TGIF1: variants seen among roughly 807,000 people sequenced by gnomAD.
TGIF1 encodes homeobox protein TGIF1.
A neutral mutation model predicts 19.3 loss-of-function variants in TGIF1; 4 were observed. That is an observed-to-expected ratio of 0.21 (90% CI 0.10 to 0.47). The LOEUF (loss-of-function observed/expected upper bound fraction) is 0.47. Ranked by LOEUF, TGIF1 falls within the 20% of genes least tolerant of loss-of-function variation. TGIF1 has a pLI of 0.98. For missense variants in TGIF1, 275 were observed against 341.4 expected, an observed-to-expected ratio of 0.81 and a Z score of 1.53; for synonymous variants, 122 against 129.3, an observed-to-expected ratio of 0.94 and a Z score of 0.38.
chr18:3,424,350 C>A lies in TGIF1; in HGVS notation c.-45+6135C>A, dbSNP rs534070164. ...CATCATGTTATTAACTACAAAGGATCACATGCAGTCAAGTTTTTACTGTAA... is the reference window on the plus strand; with the variant it reads ...CATCATGTTATTAACTACAAAGGATAACATGCAGTCAAGTTTTTACTGTAA... On this transcript the variant is annotated intron_variant, in intron 2 of 3. Coordinates refer to the TGIF1 transcript ENST00000401449. 4.6e-5 allele frequency among the ~76,000 whole-genome samples: 7 copies of A among 152,176 alleles called. No individual in the cohort carries two copies. In the South Asian group the frequency reaches 1.5e-3, roughly 32 times the overall value.
chr18:3,444,286 C>CTTTTTTTTTT (rs57205118), intron 2 of TGIF1, among the ~76,000 whole-genome samples: 29 of 121,874 alleles, frequency 2.4e-4, no homozygotes, highest in Admixed American at 3.9e-4. Flanking sequence ...ACTTTCTTTT[C>CTTTTTTTTTT]TTTTTTTTTT....
chr18:3,445,540 T>A (rs2082729628), upstream of TGIF1, among the ~76,000 whole-genome samples: 1 of 150,968 alleles, frequency 6.6e-6, no homozygotes, highest in Middle Eastern at 3.4e-3. Flanking sequence ...CTGGCTAACA[T>A]GGTGAAACCC....
upstream of TGIF1, among the ~76,000 whole-genome samples, chr18:3,447,336 C>T (rs2082760979): frequency 1.7e-5 from 2 of 119,304 alleles, no homozygotes; most frequent in South Asian, 5.0e-4. Flanking sequence ...AATCTATATA[C>T]TTTAAAAAAA....
intron 2 of TGIF1, among the ~76,000 whole-genome samples, chr18:3,425,747 GA>G (rs1436042976): frequency 1.3e-5 from 2 of 152,082 alleles, no homozygotes; most frequent in East Asian, 3.9e-4. Flanking sequence ...GGCATGCTGG[GA>G]TATTGATTTG....
rs766646734 is a variant in TGIF1 at position 3,423,455 on chromosome 18, A to G, written c.-45+5240A>G. On this transcript the variant is annotated intron_variant, in intron 2 of 3. Transcript: ENST00000401449. Reference sequence around the variant, plus strand: ...AGCACTTTGGGAGGCCAGGGCGGGCAGATCACGAGGTCAGGACATCGAGAC... The same window carrying G: ...AGCACTTTGGGAGGCCAGGGCGGGCGGATCACGAGGTCAGGACATCGAGAC... Among the ~76,000 whole-genome samples, 33 of 152,188 alleles carry G rather than the reference A, an allele frequency of 2.2e-4. 1 individual carries two copies. The highest frequency in any genetic ancestry group is 1.9e-3 in the South Asian group (9 of 4,826).
chr18:3,413,607 C>T (rs907026016), intron 1 of TGIF1, among the ~76,000 whole-genome samples: 2 of 151,854 alleles, frequency 1.3e-5, no homozygotes, highest in Non-Finnish European at 1.5e-5. Flanking sequence ...CGGTGGCCAA[C>T]GCCTGTAATC....
upstream of TGIF1, among the ~76,000 whole-genome samples, chr18:3,449,160 G>A (rs1373217679): frequency 2.0e-5 from 3 of 152,124 alleles, no homozygotes; most frequent in Non-Finnish European, 2.9e-5. Flanking sequence ...TCCTAACTGT[G>A]GACCAAAATA....
In TGIF1 at chr18:3,457,541, A is replaced by T; in HGVS notation, c.420A>T (p.Pro140=). The change falls in exon 3 of 3, where the codon CCA becomes CCT. Residue 140 remains proline, a synonymous_variant. Coordinates refer to ENST00000343820, the MANE Select transcript of TGIF1 (RefSeq NM_003244.4). The surrounding 1 kb of genome is among the most constrained non-coding windows in gnomAD (Gnocchi z 4.9). ...KNFMPALEET[P]FHSCTAGPNP... ...TCATGCCAGCTCTAGAGGAGACCCC[A>T]TTTCATTCCTGTACAGCTGGGCCAA... The T allele has an allele frequency of 6.2e-7, 1 of 1,613,958 alleles. No individual in the cohort carries two copies.
upstream of TGIF1, chr18:3,448,127 G>A (rs2082780775): frequency 6.1e-6 from 6 of 984,732 alleles, no homozygotes; most frequent in Non-Finnish European, 7.2e-6. Flanking sequence ...GAGTGGCTTC[G>A]AAAGCGGCCG....
chr18:3,453,727 T>A, intron 1 of TGIF1: 1 of 620,438 alleles, frequency 1.6e-6, no homozygotes, highest in Non-Finnish European at 2.0e-6. Context: ...AGGAACAAGG[T>A]CGCTGCTTAG....
intron 2 of TGIF1, among the ~76,000 whole-genome samples, chr18:3,420,339 C>T (rs934418453): frequency 4.0e-5 from 6 of 151,528 alleles, no homozygotes; most frequent in East Asian, 1.9e-4. Flanking sequence ...GCCAAGATCG[C>T]GCCACTGCAC....
At chr18:3,443,923 G>A (rs898340975) in intron 2 of TGIF1, among the ~76,000 whole-genome samples, 20 of 150,978 alleles carry the variant, frequency 1.3e-4, no homozygotes, top group African/African-American at 4.4e-4. Flanking sequence ...TACAATAAAT[G>A]ATTGTATTCT....
intron 1 of TGIF1, among the ~76,000 whole-genome samples, chr18:3,453,492 G>C (rs1568050634): frequency 6.6e-6 from 1 of 151,834 alleles, no homozygotes; most frequent in Non-Finnish European, 1.5e-5. Context: ...TTCGAGACCA[G>C]CCTGACCAAC....
chr18:3,458,114 C>T lies in TGIF1; in HGVS notation c.*174C>T. ...ATACAGTCATTCCAAGAACTATAAA[C>T]TTAAAGCTACTGTAGAAACAAAGGG... On this transcript the variant is annotated 3_prime_UTR_variant, in exon 3 of 3. Coordinates refer to ENST00000343820, the MANE Select transcript of TGIF1 (RefSeq NM_003244.4). The T allele has an allele frequency of 1.6e-6, 1 of 616,996 alleles. No homozygotes were observed. The allele number at this position is 616,996 out of a possible 1,614,324, so 38.2% of individuals were successfully genotyped here. A position where few individuals can be genotyped will look rare whatever the true frequency, so the allele number is the denominator to read the frequency against.
At chr18:3,445,123 A>C (rs1001084178) in intron 2 of TGIF1, among the ~76,000 whole-genome samples, 3 of 151,970 alleles carry the variant, frequency 2.0e-5, no homozygotes, top group African/African-American at 7.2e-5. Context: ...GTGGTTGAGA[A>C]CTCCTGAGCC....
In TGIF1 at chr18:3,451,765, A is replaced by G; in HGVS notation, c.16+1260A>G. The G allele has an allele frequency of 8.0e-7, 1 of 1,251,920 alleles. No homozygotes were observed. The highest frequency in any genetic ancestry group is 1.0e-6 in the Non-Finnish European group (1 of 999,176). 77.6% of individuals were successfully genotyped at this position (1,251,920 alleles called of 1,614,324 possible). Reference sequence around the variant, plus strand: ...AAACTTGAAACTCGGATCAACTGGCAGTCGTTGTTGGTAGAACGCCCTAAG... The same window carrying G: ...AAACTTGAAACTCGGATCAACTGGCGGTCGTTGTTGGTAGAACGCCCTAAG... On this transcript the variant is annotated intron_variant, in intron 1 of 2. Coordinates refer to ENST00000343820, the MANE Select transcript of TGIF1 (RefSeq NM_003244.4). This position sits in a 1 kb window ranked among gnomAD's most constrained non-coding sequence, Gnocchi z 5.4.
upstream of TGIF1, among the ~76,000 whole-genome samples, chr18:3,446,133 A>G (rs970706665): frequency 1.3e-5 from 2 of 152,212 alleles, no homozygotes; most frequent in Non-Finnish European, 2.9e-5. Context: ...ACAGACACAG[A>G]TGTTGAGAAT....
At chr18:3,445,703 G>A (rs2082732674), upstream of TGIF1, among the ~76,000 whole-genome samples, 1 of 99,726 alleles carries the variant, frequency 1.0e-5, no homozygotes, top group Non-Finnish European at 1.8e-5. Context: ...CAGCCTGGGT[G>A]ACAGAGCAAG....
chr18:3,426,227 G>A (rs1286105163), intron 2 of TGIF1, among the ~76,000 whole-genome samples: 1 of 144,302 alleles, frequency 6.9e-6, no homozygotes, highest in African/African-American at 2.6e-5. Context: ...GGAGTGCAGT[G>A]ACACAATCTT....
Sources: allele counts gnomAD v4.1 joint callset (sites outside exome capture counted in the v4.1 genomes callset), GRCh38; gene constraint gnomAD v4.1.1; non-coding constraint Gnocchi (gnomAD v3.1); transcripts MANE v1.5; gene names NCBI Gene and HGNC (gene_info 2026-07-23, HGNC 2026-07-21).